ATAD3C: variants seen among roughly 807,000 people sequenced by gnomAD.
ATAD3C encodes the protein ATPase family AAA domain containing 3C, also known as ATPase family AAA domain-containing protein 3C.
ATAD3C carries 38 observed loss-of-function variants against 46.3 expected under a neutral mutation model. The ratio of observed to expected loss-of-function variants is 0.82; its 90% CI spans 0.63 to 1.08. The LOEUF is 1.08. Among genes scored for constraint, ATAD3C ranks in the 50% least tolerant of loss-of-function variants. The pLI is 0.00. For missense variants in ATAD3C, 563 were observed against 572.7 expected, an observed-to-expected ratio of 0.98 and a Z score of 0.17; for synonymous variants, 220 against 236.4, an observed-to-expected ratio of 0.93 and a Z score of 0.63.
At position 1,462,687 on chromosome 1, in the gene ATAD3C, A is replaced by G; in HGVS notation, c.1068A>G (p.Ala356=). The change falls in exon 11 of 12, where the codon GCA becomes GCG. Residue 356 remains alanine, a synonymous_variant. Transcript: ENST00000378785. This position sits in a 1 kb window ranked among gnomAD's most constrained non-coding sequence, Gnocchi z 4.5. ...AGGGCATGTCATGCCGGAAGATCGC[A>G]CAGCTGGCCGTGTCCTGGCAGGTGA... ...LTEGMSCRKI[A]QLAVSWQATA... is the part of the protein sequence containing the mutation. 6.2e-7 allele frequency: 1 copy of G among 1,604,846 alleles called. No individual in the cohort carries two copies. Among genetic ancestry groups the G allele is most frequent in the Non-Finnish European group, 8.5e-7 (1 of 1,176,200 alleles).
Position 1,450,058 on chromosome 1 carries a change from G to A in ATAD3C, c.-626G>A, listed in dbSNP as rs1262518507. Reference sequence around the variant, plus strand: ...AGGAAAAGGGTATGTGCCGGGCGCGGTGGCTCACACCTGTAATCCCAGCAC... The same window carrying A: ...AGGAAAAGGGTATGTGCCGGGCGCGATGGCTCACACCTGTAATCCCAGCAC... On this transcript the variant is annotated 5_prime_UTR_variant, in exon 1 of 12. In the 5' UTR this introduces an upstream ATG that the reference lacks. Transcript: ENST00000378785. 2 of 152,140 alleles carry A rather than the reference G, an allele frequency of 1.3e-5. No homozygotes were observed. The highest frequency in any genetic ancestry group is 4.8e-5 in the African/African-American group (2 of 41,428). The allele number at this position is 152,140 out of a possible 1,614,324, so 9.4% of individuals were successfully genotyped here.
At position 1,450,565 on chromosome 1, in the gene ATAD3C, G is replaced by A. The variant is rs1329015308; in HGVS notation, c.-119G>A. The A allele has an allele frequency of 7.7e-7, 1 of 1,303,018 alleles. No homozygotes were observed. The highest frequency in any genetic ancestry group is 2.5e-5 in the East Asian group (1 of 39,514). 80.7% of individuals were successfully genotyped at this position (1,303,018 alleles called of 1,614,324 possible). ...AGGAGGATGGGGAGGCAGGGCTGGG[G>A]GCTTTGAGGTCGAGGCGTGGCCGTG... On this transcript the variant is annotated 5_prime_UTR_variant, in exon 1 of 12. Transcript: ENST00000378785.
In ATAD3C at chr1:1,462,819, G is replaced by A; in HGVS notation, c.1089+111G>A. 1 of 1,334,764 alleles carries A rather than the reference G, an allele frequency of 7.5e-7. No homozygotes were observed. The highest frequency in any genetic ancestry group is 1.0e-6 in the Non-Finnish European group (1 of 972,996). 82.7% of individuals were successfully genotyped at this position (1,334,764 alleles called of 1,614,324 possible). On this transcript the variant is annotated intron_variant, in intron 11 of 11. Coordinates refer to ENST00000378785, the MANE Select transcript of ATAD3C (RefSeq NM_001039211.3). The surrounding 1 kb of genome is among the most constrained non-coding windows in gnomAD (Gnocchi z 4.5). ...GTGTCACGTGGGAGCTTCTGTTGAG[G>A]GGTTTTCAGTGCACAGATGTGACAC...
rs1337504857 is a variant in ATAD3C at position 1,459,381 on chromosome 1, G to A, written c.812+150G>A. Reference sequence around the variant, plus strand: ...CCCACCTTGGATGTCCCCTGGGAACGGCCCAGCTCAGGACAGCACGGGGTG... The same window carrying A: ...CCCACCTTGGATGTCCCCTGGGAACAGCCCAGCTCAGGACAGCACGGGGTG... On this transcript the variant is annotated intron_variant, in intron 9 of 11. Transcript: ENST00000378785. The surrounding 1 kb of genome is among the most constrained non-coding windows in gnomAD (Gnocchi z 4.9). The A allele has an allele frequency of 9.9e-6, 15 of 1,507,712 alleles. No individual in the cohort carries two copies. The highest frequency in any genetic ancestry group is 4.5e-5 in the Admixed American group (2 of 44,608). The allele number at this position is 1,507,712 out of a possible 1,614,324, so 93.4% of individuals were successfully genotyped here. A position where few individuals can be genotyped will look rare whatever the true frequency, so the allele number is the denominator to read the frequency against.
chr1:1,453,282 A>G (rs1161653237), intron 3 of ATAD3C, among the ~76,000 whole-genome samples: 1 of 152,118 alleles, frequency 6.6e-6, no homozygotes, highest in East Asian at 1.9e-4. Flanking sequence ...GGCTCACTGC[A>G]ACCTGCGCCT....
intron 8 of ATAD3C, 125 bp downstream of exon 8, chr1:1,457,305 G>T: frequency 6.6e-7 from 1 of 1,513,056 alleles, no homozygotes; most frequent in Non-Finnish European, 9.1e-7. Context: ...GAAAAACACA[G>T]CATTTTTGGC....
At position 1,458,173 on chromosome 1, in the gene ATAD3C, G is replaced by A. The variant is rs140804471; in HGVS notation, c.742-988G>A. 4.4e-3 allele frequency among the ~76,000 whole-genome samples: 660 copies of A among 151,702 alleles called. 9 individuals are homozygous for A. The highest frequency in any genetic ancestry group is 0.015 in the African/African-American group (630 of 41,372). On this transcript the variant is annotated intron_variant, in intron 8 of 11. Transcript: ENST00000378785. ...TTTTTGTATTTTTAGTAGAGATGGGGTTTCACCATGTTGGTCAGGCTGGTT... is the reference window on the plus strand; with the variant it reads ...TTTTTGTATTTTTAGTAGAGATGGGATTTCACCATGTTGGTCAGGCTGGTT...
chr1:1,451,090 G>A (rs1055509510), intron 1 of ATAD3C, among the ~76,000 whole-genome samples: 1 of 151,632 alleles, frequency 6.6e-6, no homozygotes, highest in African/African-American at 2.4e-5. Flanking sequence ...GCCCAGGCTG[G>A]AGTGCAGTGG....
intron 5 of ATAD3C, 63 bp downstream of exon 5, chr1:1,455,582 G>A (rs1638945393): frequency 6.2e-7 from 1 of 1,608,040 alleles, no homozygotes. Context: ...GGGCTGGGCT[G>A]TGGCCCTTGC....
At position 1,460,818 on chromosome 1, in the gene ATAD3C, T is replaced by A. The variant is rs766000372; in HGVS notation, c.881T>A (p.Val294Glu). Reference sequence around the variant, plus strand: ...TGGGCCATCAATGCCTGCATCGACGTGATGGTCCACTTCGACCTGCCAGGG... The same window carrying A: ...TGGGCCATCAATGCCTGCATCGACGAGATGGTCCACTTCGACCTGCCAGGG... The part of the protein sequence containing the change: ...FDWAINACID[V>E]MVHFDLPGQE... Residue 294 changes from valine (V) to glutamate (E), a missense_variant, in exon 10 of 12, where the codon GTG becomes GAG. This residue lies in a region of ATAD3C where 273 missense variants were observed against 253.5 expected (regional missense o/e 1.08). Transcript: ENST00000378785. 22 of 1,612,864 alleles carry A rather than the reference T, an allele frequency of 1.4e-5. No homozygotes were observed. The Admixed American group carries it at 3.2e-4, about 23-fold the overall frequency.
intron 4 of ATAD3C, among the ~76,000 whole-genome samples, chr1:1,454,840 G>C (rs576922390): frequency 6.6e-6 from 1 of 151,846 alleles, no homozygotes; most frequent in East Asian, 1.9e-4. Context: ...CTGGGGAGCC[G>C]CGCCGTTTGC....
At chr1:1,466,535 CAAAAAAAAA>C (rs35433084) in intron 11 of ATAD3C, among the ~76,000 whole-genome samples, 1 of 70,340 alleles carries the variant, frequency 1.4e-5, no homozygotes, top group Non-Finnish European at 3.2e-5. Flanking sequence ...GATGTCATCT[CAAAAAAAAA>C]AAAAAAAAAA....
intron 10 of ATAD3C, among the ~76,000 whole-genome samples, chr1:1,461,648 C>CCCCCA (rs1557780495): frequency 2.5e-4 from 28 of 111,826 alleles, no homozygotes; most frequent in African/African-American, 1.3e-3. Flanking sequence ...CATGTAGGGA[C>CCCCCA]TGGAGGGAGA....
At position 1,454,439 on chromosome 1, in the gene ATAD3C, C is replaced by A. The variant is rs768838472; in HGVS notation, c.317C>A (p.Pro106Gln). The A allele has an allele frequency of 2.5e-6, 4 of 1,609,394 alleles. 1 individual carries two copies. The highest frequency in any genetic ancestry group is 3.4e-6 in the Non-Finnish European group (4 of 1,178,960). ...GRYIEARLGKPSLVRETSRIT... is the reference protein window; with the variant it reads ...GRYIEARLGKQSLVRETSRIT... ...TACATCGAGGCTCGGCTGGGGAAGC[C>A]GTCCCTAGTGAGGGAGACGTCCCGC... Residue 106 changes from proline to glutamine, a missense_variant, in exon 4 of 12, where the codon CCG becomes CAG. Pro to Gln is a moderately conservative substitution (Grantham distance 76). Transcript: ENST00000378785.
In ATAD3C at chr1:1,455,196, GAC is replaced by G. The variant is rs1313764057; in HGVS notation, c.379-262_379-261del. ...CACGCCACTGCACTCCAGCCTGGGC[GAC>G]AGAGTGAGACTCCGTCTCAAAAAAA... is the stretch of plus-strand genomic sequence containing the variant. On this transcript the variant is annotated intron_variant, in intron 4 of 11. Transcript: ENST00000378785. 5.5e-5 allele frequency among the ~76,000 whole-genome samples: 7 copies of G among 127,078 alleles called. No homozygotes were observed. In the Admixed American group the frequency reaches 7.0e-4, roughly 13 times the overall value. The allele number at this position is 127,078 out of a possible 152,430, so 83.4% of individuals were successfully genotyped here.
intron 11 of ATAD3C, among the ~76,000 whole-genome samples, chr1:1,463,738 C>T (rs1256091295): frequency 6.6e-6 from 1 of 151,662 alleles, no homozygotes; most frequent in African/African-American, 2.4e-5. Flanking sequence ...AGTCAAGAAC[C>T]CATCTCTACA....
rs965581249 is a variant in ATAD3C, at chr1:1,452,224, A to C, written c.152+102A>C. On this transcript the variant is annotated intron_variant, in intron 2 of 11. Transcript: ENST00000378785. ...CAGCTCTCCCAGGTCTGGCCGCTGT[A>C]GGCTGGCTCCTTGGTGGGGACACTG... 86 of 1,579,328 alleles carry C rather than the reference A, an allele frequency of 5.4e-5. 3 individuals are homozygous for C. In the Middle Eastern group the frequency reaches 3.2e-3, roughly 58 times the overall value.
At chr1:1,465,720 G>A (rs1480417294) in intron 11 of ATAD3C, among the ~76,000 whole-genome samples, 1 of 151,628 alleles carries the variant, frequency 6.6e-6, no homozygotes, top group Non-Finnish European at 1.5e-5. Context: ...ATGGATTCTA[G>A]GATTTTCTAC....
Position 1,460,915 on chromosome 1 carries a change from G to C in ATAD3C, c.978G>C (p.Lys326Asn). The C allele has an allele frequency of 6.2e-7, 1 of 1,605,984 alleles. No individual in the cohort carries two copies. Among genetic ancestry groups the C allele is most frequent in the Admixed American group, 1.7e-5 (1 of 59,600 alleles). Residue 326 changes from lysine to asparagine, a missense_variant and splice_region_variant, in exon 10 of 12, where the codon AAG becomes AAC. Around this residue, in one of 3 missense-constraint regions of ATAD3C, gnomAD observed 273 missense variants for 253.5 expected, o/e 1.08. Transcript: ENST00000378785. ...EYVLKPATEG[K>N]RRLKLAQFDY... The stretch of plus-strand genomic sequence containing the variant: ...TTCTTAAGCCGGCCACAGAAGGAAA[G>C]CGGTAAGTGTCCCGCCCCACCAGCC...
Sources: gnomAD v4.1 joint callset for allele counts (sites outside exome capture counted in the v4.1 genomes callset) on GRCh38, gnomAD v4.1.1 for gene constraint, gnomAD v4.1.1 regional missense constraint, Gnocchi (gnomAD v3.1) non-coding constraint, MANE v1.5 for transcripts, NCBI Gene and HGNC (gene_info 2026-07-23, HGNC 2026-07-21) for gene names.